Variants in DYM observed in about 807,000 individuals in gnomAD.
DYM encodes dyggve-Melchior-Clausen syndrome protein.
In DYM, 78 loss-of-function variants were observed where a neutral mutation model predicts 93.1. The ratio of observed to expected loss-of-function variants is 0.84; its 90% CI spans 0.70 to 1.01. The LOEUF (loss-of-function observed/expected upper bound fraction) is 1.01. Among genes scored for constraint, DYM ranks in the 50% least tolerant of loss-of-function variants. The pLI, the probability that DYM is intolerant of heterozygous loss-of-function variation, is 0.00. For synonymous variants in DYM, 321 were observed against 319.7 expected (o/e 1.00, Z -0.04); for missense variants, 789 against 845.0 (o/e 0.93, Z 0.82).
Position 49,163,714 on chromosome 18 carries a change from T to C in DYM, c.1699A>G (p.Ser567Gly), listed in dbSNP as rs1275687698. 1 of 1,612,422 alleles carries C rather than the reference T, an allele frequency of 6.2e-7. No homozygotes were observed. The highest frequency in any genetic ancestry group is 8.5e-7 in the Non-Finnish European group (1 of 1,179,044). The change falls in exon 15 of 18, where the codon AGT becomes GGT. Residue 567 changes from serine (S) to glycine (G), a missense_variant. Physicochemically the swap from Ser to Gly is moderately conservative, Grantham distance 56. Coordinates refer to ENST00000675505, the MANE Select transcript of DYM (RefSeq NM_001353214.3). The stretch of plus-strand genomic sequence containing the variant: ...TCTGGTAGAGGAACATCATTAGAAC[T>C]CAGCGAACCTCTCAAGGACTGTGTG... ...QATQSLRGSL[S>G]SNDVPLPDYA... is the part of the protein sequence containing the mutation.
At chr18:49,074,493 T>C (rs1271938912) in intron 17 of DYM, among the ~76,000 whole-genome samples, 3 of 152,192 alleles carry the variant, frequency 2.0e-5, no homozygotes, top group Non-Finnish European at 4.4e-5. Flanking sequence ...GATAACTGTA[T>C]TGTGCTTAGG....
intron 15 of DYM, among the ~76,000 whole-genome samples, chr18:49,145,806 A>T (rs1475244167): frequency 6.6e-6 from 1 of 152,126 alleles, no homozygotes; most frequent in African/African-American, 2.4e-5. Context: ...TAATGTCCTT[A>T]TATATATGTC....
At chr18:49,291,211 C>A (rs2060089819) in intron 8 of DYM, among the ~76,000 whole-genome samples, 1 of 152,146 alleles carries the variant, frequency 6.6e-6, no homozygotes. Context: ...AAATTATAAG[C>A]AATGTATAAC....
At chr18:49,450,798 T>C (rs745923027) in intron 1 of DYM, among the ~76,000 whole-genome samples, 2 of 152,254 alleles carry the variant, frequency 1.3e-5, no homozygotes, top group African/African-American at 4.8e-5. Flanking sequence ...TTAACTAAAC[T>C]TTTTCCGTCA....
rs149042486 is a variant in DYM, at chr18:49,226,107, A to T, written c.1461-16392T>A. On this transcript the variant is annotated intron_variant, in intron 13 of 17. Transcript: ENST00000675505. ...TGCACAGATTATCATATACCACCAAAGCAAAGGGGACAAGGCACCTGAAAA... is the reference window on the plus strand; with the variant it reads ...TGCACAGATTATCATATACCACCAATGCAAAGGGGACAAGGCACCTGAAAA... 7.3e-3 allele frequency among the ~76,000 whole-genome samples: 1,117 copies of T among 152,240 alleles called. 8 individuals carry two copies. The highest frequency in any genetic ancestry group is 0.012 in the Non-Finnish European group (828 of 67,990).
intron 14 of DYM, among the ~76,000 whole-genome samples, chr18:49,166,989 CGTGTGTGTGTGT>C (rs61299099): frequency 0.024 from 3,439 of 141,926 alleles, 68 homozygotes; most frequent in South Asian, 0.082. Context: ...TCTCACATTC[CGTGTGTGTGTGT>C]GTGTGTGTGT....
At chr18:49,427,551 A>C (rs919063476) in intron 2 of DYM, among the ~76,000 whole-genome samples, 1 of 152,162 alleles carries the variant, frequency 6.6e-6, no homozygotes. Flanking sequence ...AATTATTGTT[A>C]ATTTTGTGAG....
intron 17 of DYM, among the ~76,000 whole-genome samples, chr18:49,087,457 T>C (rs912092754): frequency 6.6e-6 from 1 of 152,216 alleles, no homozygotes; most frequent in African/African-American, 2.4e-5. Context: ...ACATATTTAA[T>C]TAAACAAAAA....
At chr18:49,415,927 C>CAA (rs80304487) in intron 2 of DYM, among the ~76,000 whole-genome samples, 1,555 of 84,484 alleles carry the variant, frequency 0.018, 26 homozygotes, top group African/African-American at 0.06. Flanking sequence ...AACTCTGACT[C>CAA]AAAAAAAAAA....
intron 14 of DYM, among the ~76,000 whole-genome samples, chr18:49,206,283 C>A (rs965541152): frequency 2.2e-4 from 33 of 152,178 alleles, no homozygotes; most frequent in Admixed American, 7.2e-4. Context: ...CAGGCATTAG[C>A]CACCGCGCCC....
intron 14 of DYM, among the ~76,000 whole-genome samples, chr18:49,194,902 TATTGCA>T (rs775417492): frequency 6.6e-6 from 1 of 152,218 alleles, no homozygotes; most frequent in Non-Finnish European, 1.5e-5. Context: ...CTGTTACTAC[TATTGCA>T]GTCATTAGCC....
intron 16 of DYM, among the ~76,000 whole-genome samples, chr18:49,118,491 G>T (rs180737420): frequency 6.6e-6 from 1 of 152,172 alleles, no homozygotes; most frequent in African/African-American, 2.4e-5. Flanking sequence ...AATGCTCATG[G>T]TCTAAGTGTA....
intron 2 of DYM, among the ~76,000 whole-genome samples, chr18:49,411,314 A>T (rs868493165): frequency 6.6e-6 from 1 of 152,204 alleles, no homozygotes; most frequent in Non-Finnish European, 1.5e-5. Flanking sequence ...GTATATCTAC[A>T]TTATAATTCC....
At position 49,348,907 on chromosome 18, in the gene DYM, C is replaced by CAAA. The variant is rs11398177; in HGVS notation, c.494+14251_494+14253dup. ...CGGGTAACAGAGTGAGACTCCTCAC[C>CAAA]AAAAAAAAAAAAAAACCACACCAGA... On this transcript the variant is annotated intron_variant, in intron 6 of 17. Transcript: ENST00000675505. Among the ~76,000 whole-genome samples, 114 of 123,208 alleles carry CAAA rather than the reference C, an allele frequency of 9.3e-4. 6 individuals are homozygous for CAAA. The highest frequency in any genetic ancestry group is 5.5e-3 in the Middle Eastern group (1 of 182). 80.8% of individuals were successfully genotyped at this position (123,208 alleles called of 152,430 possible).
At chr18:49,355,403 T>C (rs1406526391) in intron 6 of DYM, among the ~76,000 whole-genome samples, 1 of 152,122 alleles carries the variant, frequency 6.6e-6, no homozygotes, top group African/African-American at 2.4e-5. Flanking sequence ...GATACATTGA[T>C]ACACTGATAG....
At chr18:49,427,714 T>A (rs60182440) in intron 2 of DYM, among the ~76,000 whole-genome samples, 1 of 152,070 alleles carries the variant, frequency 6.6e-6, no homozygotes. Context: ...CTCAACAATA[T>A]CCAAATGTCT....
chr18:49,068,277 G>T (rs1218926862), intron 17 of DYM, among the ~76,000 whole-genome samples: 1 of 152,218 alleles, frequency 6.6e-6, no homozygotes, highest in Non-Finnish European at 1.5e-5. Context: ...CCTTGGATGA[G>T]GCAATTCTCA....
chr18:49,260,079 C>T (rs768552984), intron 11 of DYM, among the ~76,000 whole-genome samples: 39 of 152,032 alleles, frequency 2.6e-4, no homozygotes, highest in Non-Finnish European at 5.1e-4. Flanking sequence ...AAGGGAAAAT[C>T]ACAGAACAAA....
At chr18:49,189,180 G>A (rs779953072) in intron 14 of DYM, among the ~76,000 whole-genome samples, 2 of 152,178 alleles carry the variant, frequency 1.3e-5, no homozygotes, top group Non-Finnish European at 2.9e-5. Context: ...GGGGACAAGG[G>A]CTGAAAAACT....
Sources: allele counts gnomAD v4.1 joint callset (sites outside exome capture counted in the v4.1 genomes callset), GRCh38; gene constraint gnomAD v4.1.1; transcripts MANE v1.5; gene names NCBI Gene and HGNC (gene_info 2026-07-23, HGNC 2026-07-21).